METTL6: variants seen among roughly 807,000 people sequenced by gnomAD.
METTL6 encodes tRNA N(3)-cytidine methyltransferase METTL6.
A neutral mutation model predicts 26.4 loss-of-function variants in METTL6; 22 were observed. That is an observed-to-expected ratio of 0.83 (90% confidence interval 0.59 to 1.19). METTL6 has a LOEUF of 1.19. Among genes scored for constraint, METTL6 ranks in the 50% most tolerant of loss-of-function variants. The pLI is 0.00. For synonymous variants in METTL6, 109 were observed against 116.2 expected (o/e 0.94, Z 0.40); for missense variants, 304 against 324.8 (o/e 0.94, Z 0.49).
intron 6 of METTL6, among the ~76,000 whole-genome samples, chr3:15,404,620 G>A (rs774340914): frequency 6.6e-6 from 1 of 151,606 alleles, no homozygotes; most frequent in Non-Finnish European, 1.5e-5. Flanking sequence ...CAAAGTGCTG[G>A]GATTACAGGT....
At chr3:15,420,366 C>T (rs955896219) in intron 3 of METTL6, among the ~76,000 whole-genome samples, 2 of 152,122 alleles carry the variant, frequency 1.3e-5, no homozygotes, top group Non-Finnish European at 2.9e-5. Context: ...AACATCGAGA[C>T]TTTCTAGATG....
chr3:15,408,852 A>G (rs1344130362), downstream of METTL6, among the ~76,000 whole-genome samples: 1 of 152,084 alleles, frequency 6.6e-6, no homozygotes, highest in Non-Finnish European at 1.5e-5. Context: ...TCCAAGAAAC[A>G]TTGGTCAGAC....
intron 6 of METTL6, among the ~76,000 whole-genome samples, chr3:15,390,821 G>A (rs1449808823): frequency 6.7e-6 from 1 of 149,138 alleles, no homozygotes; most frequent in Non-Finnish European, 1.5e-5. Flanking sequence ...CATGTCACAC[G>A]AACAGATTGA....
At chr3:15,401,625 C>T (rs1699650083) in intron 6 of METTL6, among the ~76,000 whole-genome samples, 1 of 151,466 alleles carries the variant, frequency 6.6e-6, no homozygotes, top group Non-Finnish European at 1.5e-5. Flanking sequence ...GTAAAGAAGC[C>T]AGCCAAAACC....
exon 7 of METTL6, chr3:15,382,819 T>C (rs904825807): frequency 6.6e-6 from 1 of 150,484 alleles, no homozygotes; most frequent in African/African-American, 2.5e-5. Flanking sequence ...GGACATTCTA[T>C]CATTTGCAAC....
At chr3:15,413,123 T>C (rs1700042887) in intron 5 of METTL6, among the ~76,000 whole-genome samples, 1 of 152,148 alleles carries the variant, frequency 6.6e-6, no homozygotes. Flanking sequence ...CACACACTTG[T>C]AATCCTTGCT....
In METTL6 at chr3:15,426,366, TA is replaced by T. The variant is rs1227964106; in HGVS notation, c.145del (p.Tyr49ThrfsTer22). On this transcript the variant is annotated frameshift_variant, in exon 2 of 6. Coordinates refer to ENST00000383790, the MANE Select transcript of METTL6 (RefSeq NM_152396.4). LOFTEE classifies it high-confidence loss of function. Reference sequence around the variant, plus strand: ...GAAGAAATTAGTGCTATTTCTTTTGTAAAAAAGATCCCAATTTTTCTGAGCC... The same window carrying T: ...GAAGAAATTAGTGCTATTTCTTTTGTAAAAAGATCCCAATTTTTCTGAGCC... ...QEAQKNWDLF[Y>X]KRNSTNFFKD... 6.2e-7 allele frequency: 1 copy of T among 1,614,264 alleles called. No individual in the cohort carries two copies. Among genetic ancestry groups the T allele is most frequent in the Admixed American group, 1.7e-5 (1 of 60,026 alleles).
At chr3:15,423,456 T>C (rs1262954437) in intron 3 of METTL6, among the ~76,000 whole-genome samples, 3 of 152,132 alleles carry the variant, frequency 2.0e-5, no homozygotes, top group African/African-American at 7.2e-5. Flanking sequence ...GACTGGATTA[T>C]AAACAGCTAT....
At position 15,409,865 on chromosome 3, in the gene METTL6, G is replaced by A. The variant is rs926701160; in HGVS notation, c.*1391C>T. 1.7e-4 allele frequency among the ~76,000 whole-genome samples: 26 copies of A among 152,240 alleles called. 1 individual carries two copies. Among genetic ancestry groups the A allele is most frequent in the South Asian group, 6.2e-4 (3 of 4,824 alleles). On this transcript the variant is annotated 3_prime_UTR_variant, in exon 6 of 6. Transcript: ENST00000383790. ...AGACCAATGGGCAAATATGACACTC[G>A]AAAAAGAAGAAAACAGAACACTCCT... is the stretch of plus-strand genomic sequence containing the variant.
chr3:15,399,604 T>A (rs899306002), intron 6 of METTL6: 1 of 124,132 alleles, frequency 8.1e-6, no homozygotes, highest in Non-Finnish European at 1.7e-5. Flanking sequence ...CGGGGGGCGG[T>A]TGGGGGGTAG....
At chr3:15,408,386 G>A (rs747376256), downstream of METTL6, among the ~76,000 whole-genome samples, 123 of 152,222 alleles carry the variant, frequency 8.1e-4, no homozygotes, top group Non-Finnish European at 1.3e-3. Flanking sequence ...TGATACTCAC[G>A]TGCCATATAT....
At chr3:15,382,673 A>AAG (rs1395862676) in exon 7 of METTL6, 1 of 151,734 alleles carries the variant, frequency 6.6e-6, no homozygotes, top group East Asian at 1.9e-4. Flanking sequence ...CAAAAAAAAA[A>AAG]AAAAAAAAAA....
chr3:15,402,855 C>G (rs111659013), intron 6 of METTL6, among the ~76,000 whole-genome samples: 1 of 151,568 alleles, frequency 6.6e-6, no homozygotes, highest in African/African-American at 2.4e-5. Flanking sequence ...TGGGGAATTG[C>G]GAATCTTGTG....
In METTL6 at chr3:15,410,123, T is replaced by C. The variant is rs1174509661; in HGVS notation, c.*1133A>G. Among the ~76,000 whole-genome samples the C allele has an allele frequency of 6.6e-6, 1 of 152,204 alleles. No homozygotes were observed. Among genetic ancestry groups the C allele is most frequent in the Non-Finnish European group, 1.5e-5 (1 of 68,038 alleles). On this transcript the variant is annotated 3_prime_UTR_variant, in exon 6 of 6. Transcript: ENST00000383790. Reference sequence around the variant, plus strand: ...GACTACTTTTCAGGCCTTGAAATTTTATTTACATGTCTCTAACACACACAC... The same window carrying C: ...GACTACTTTTCAGGCCTTGAAATTTCATTTACATGTCTCTAACACACACAC...
intron 6 of METTL6, among the ~76,000 whole-genome samples, chr3:15,388,549 C>A (rs1044897085): frequency 1.3e-5 from 2 of 152,094 alleles, no homozygotes; most frequent in East Asian, 3.9e-4. Flanking sequence ...TGGGTGGGAG[C>A]CACAAGATCA....
intron 6 of METTL6, among the ~76,000 whole-genome samples, chr3:15,403,528 C>T (rs561559412): frequency 7.9e-5 from 12 of 152,182 alleles, no homozygotes; most frequent in Non-Finnish European, 1.2e-4. Flanking sequence ...ATGGCACTCA[C>T]GATTTCCACA....
At chr3:15,415,497 C>T in intron 4 of METTL6, 1 of 1,590,728 alleles carries the variant, frequency 6.3e-7, no homozygotes, top group Non-Finnish European at 8.5e-7. Flanking sequence ...ACTCCTCTCA[C>T]CTTATAGCAG....
intron 6 of METTL6, among the ~76,000 whole-genome samples, chr3:15,390,936 A>G (rs1699327409): frequency 6.6e-6 from 1 of 152,014 alleles, no homozygotes; most frequent in African/African-American, 2.4e-5. Context: ...AGGGTAGTGT[A>G]TGCAGAGGAT....
At chr3:15,387,816 ATTT>A (rs35113760) in intron 6 of METTL6, among the ~76,000 whole-genome samples, 3 of 146,554 alleles carry the variant, frequency 2.0e-5, no homozygotes, top group African/African-American at 7.5e-5. Flanking sequence ...TGAAAAAAAG[ATTT>A]TTTTTTTTTT....
Sources: allele counts gnomAD v4.1 joint callset (sites outside exome capture counted in the v4.1 genomes callset), GRCh38; gene constraint gnomAD v4.1.1; transcripts MANE v1.5; gene names NCBI Gene and HGNC (gene_info 2026-07-23, HGNC 2026-07-21).